The following SYBU variants were observed in gnomAD, a reference collection of about 807,000 sequenced individuals.
The protein encoded by SYBU is GOLSYN A protein.
Under a neutral mutation model 35.9 loss-of-function variants are expected in SYBU, and 21 were observed. The ratio of observed to expected loss-of-function variants is 0.58; its 90% confidence interval spans 0.41 to 0.84. SYBU has a LOEUF of 0.84. SYBU is among the 40% of genes least tolerant of loss of function. The probability of loss-of-function intolerance (pLI) is 0.00; values close to 1 mark genes in which losing one functional copy is unlikely to be tolerated. For synonymous variants in SYBU, 319 were observed against 324.3 expected, an observed-to-expected ratio of 0.98 and a Z score of 0.18; for missense variants, 768 against 848.2, an observed-to-expected ratio of 0.91 and a Z score of 1.17.
rs185967534 is a variant in SYBU at position 109,592,384 on chromosome 8, C to T, written c.428-6222G>A. 1.9e-3 allele frequency among the ~76,000 whole-genome samples: 290 copies of T among 152,230 alleles called. 4 individuals carry two copies. Among genetic ancestry groups the T allele is most frequent in the Non-Finnish European group, 5.6e-4 (38 of 68,004 alleles). ...AAAAGAGACTCCCCATGGACGCCTC[C>T]AAAAAGTTCTAGAGTCTCTTGTGGT... On this transcript the variant is annotated intron_variant, in intron 3 of 6. Coordinates refer to ENST00000276646, the MANE Select transcript of SYBU (RefSeq NM_001099754.2).
At chr8:109,576,109 A>G in intron 6 of SYBU, 96 bp from the exon 7 acceptor site, 1 of 1,395,716 alleles carries the variant, frequency 7.2e-7, no homozygotes, top group Non-Finnish European at 9.4e-7. Context: ...CAGTTCTGGC[A>G]CAGAGCCAAG....
chr8:109,592,676 G>T (rs1824418418), intron 3 of SYBU, among the ~76,000 whole-genome samples: 2 of 152,192 alleles, frequency 1.3e-5, no homozygotes. Context: ...AGCAAAGAGG[G>T]TGTAAAGAAA....
intron 2 of SYBU, among the ~76,000 whole-genome samples, chr8:109,633,098 ATG>A (rs1813822304): frequency 6.6e-6 from 1 of 152,256 alleles, no homozygotes; most frequent in South Asian, 2.1e-4. Flanking sequence ...GGTCTGATAT[ATG>A]TGTTTGTATA....
chr8:109,625,866 T>C (rs1181009502), intron 2 of SYBU, among the ~76,000 whole-genome samples: 2 of 152,236 alleles, frequency 1.3e-5, no homozygotes, highest in East Asian at 3.8e-4. Flanking sequence ...AATGTATGTG[T>C]AGTGGAATTA....
chr8:109,644,096 A>G (rs775839047), intron 1 of SYBU: 2 of 456,960 alleles, frequency 4.4e-6, no homozygotes, highest in Non-Finnish European at 4.4e-6. Context: ...AGGCCGGCAC[A>G]TGGCATAAAT....
intron 3 of SYBU, among the ~76,000 whole-genome samples, chr8:109,600,360 C>A (rs1459479853): frequency 6.6e-6 from 1 of 152,146 alleles, no homozygotes; most frequent in Non-Finnish European, 1.5e-5. Flanking sequence ...CTACTTCCAG[C>A]CTGTATGCCC....
intron 1 of SYBU, among the ~76,000 whole-genome samples, chr8:109,690,094 C>T (rs1288941703): frequency 2.0e-5 from 3 of 151,998 alleles, no homozygotes; most frequent in Non-Finnish European, 4.4e-5. Context: ...ATGTACAGAT[C>T]ATTATGAATT....
At chr8:109,594,692 C>T (rs373597349) in intron 3 of SYBU, among the ~76,000 whole-genome samples, 19 of 152,200 alleles carry the variant, frequency 1.2e-4, no homozygotes, top group African/African-American at 4.6e-4. Context: ...AGGAAGGTTG[C>T]ATATGTCTCG....
chr8:109,624,372 A>T (rs1812756197), intron 2 of SYBU, among the ~76,000 whole-genome samples: 1 of 152,256 alleles, frequency 6.6e-6, no homozygotes, highest in Non-Finnish European at 1.5e-5. Context: ...ATCTCAGTGT[A>T]ACTGAAATCC....
intron 3 of SYBU, among the ~76,000 whole-genome samples, chr8:109,600,600 T>C (rs1825410798): frequency 1.3e-5 from 2 of 152,124 alleles, no homozygotes; most frequent in Admixed American, 1.3e-4. Context: ...CTGGAAAGGA[T>C]GGGAGGTAGA....
intron 2 of SYBU, among the ~76,000 whole-genome samples, chr8:109,639,749 G>T (rs564413500): frequency 6.6e-6 from 1 of 152,270 alleles, no homozygotes; most frequent in African/African-American, 2.4e-5. Flanking sequence ...CCTCAGTGTT[G>T]GAGTGGCTGG....
At chr8:109,673,418 T>A (rs1424836032) in intron 1 of SYBU, among the ~76,000 whole-genome samples, 1 of 152,044 alleles carries the variant, frequency 6.6e-6, no homozygotes, top group Non-Finnish European at 1.5e-5. Flanking sequence ...TCCAGCCAAC[T>A]CCGGCAGACC....
At chr8:109,649,432 G>T (rs1283092765), upstream of SYBU, among the ~76,000 whole-genome samples, 1 of 152,222 alleles carries the variant, frequency 6.6e-6, no homozygotes, top group African/African-American at 2.4e-5. Flanking sequence ...TTGGGGCAGA[G>T]AGGGCAGTGG....
chr8:109,598,891 C>T lies in SYBU; in HGVS notation c.428-12729G>A, dbSNP rs114304736. ...AGGTACAATTATTATTCCTATTTTACAGGTGAGGAAAGTAGACAACAGGTA... is the reference window on the plus strand; with the variant it reads ...AGGTACAATTATTATTCCTATTTTATAGGTGAGGAAAGTAGACAACAGGTA... On this transcript the variant is annotated intron_variant, in intron 3 of 6. Transcript: ENST00000276646. 9.3e-3 allele frequency among the ~76,000 whole-genome samples: 1,419 copies of T among 152,274 alleles called. 25 individuals are homozygous for T. Among genetic ancestry groups the T allele is most frequent in the African/African-American group, 0.033 (1,363 of 41,534 alleles).
At chr8:109,684,037 A>G (rs1245271316), upstream of SYBU, among the ~76,000 whole-genome samples, 1 of 152,234 alleles carries the variant, frequency 6.6e-6, no homozygotes, top group African/African-American at 2.4e-5. Context: ...AGTCTCAGAT[A>G]TGTCTTTATT....
chr8:109,606,470 A>G (rs1365942163), intron 3 of SYBU, among the ~76,000 whole-genome samples: 2 of 152,164 alleles, frequency 1.3e-5, no homozygotes, highest in East Asian at 3.8e-4. Context: ...AATAAATCCC[A>G]TACTATGCTG....
chr8:109,635,762 C>T (rs1814158100), intron 2 of SYBU, among the ~76,000 whole-genome samples: 1 of 152,120 alleles, frequency 6.6e-6, no homozygotes, highest in South Asian at 2.1e-4. Flanking sequence ...TCAAAGCAGG[C>T]AGACTCCAGT....
At chr8:109,589,885 C>T (rs1824024152) in intron 3 of SYBU, among the ~76,000 whole-genome samples, 1 of 152,120 alleles carries the variant, frequency 6.6e-6, no homozygotes, top group Admixed American at 6.5e-5. Flanking sequence ...ATCTACTAAG[C>T]AGTATTAAGC....
At chr8:109,582,437 G>A (rs1162060914) in intron 4 of SYBU, among the ~76,000 whole-genome samples, 2 of 152,138 alleles carry the variant, frequency 1.3e-5, no homozygotes, top group African/African-American at 4.8e-5. Context: ...ACCCAATGCT[G>A]TCCTCTTCAG....
Sources: gnomAD v4.1 joint callset for allele counts (sites outside exome capture counted in the v4.1 genomes callset) on GRCh38, gnomAD v4.1.1 for gene constraint, MANE v1.5 for transcripts, NCBI Gene and HGNC (gene_info 2026-07-23, HGNC 2026-07-21) for gene names.